GULP1: variants seen among roughly 807,000 people sequenced by gnomAD.
GULP1 encodes the protein GULP PTB domain containing engulfment adaptor 1.
In GULP1, 19 loss-of-function variants were observed where a neutral mutation model predicts 40.9. That is an observed-to-expected ratio of 0.46 (90% CI 0.32 to 0.68). The LOEUF (loss-of-function observed/expected upper bound fraction) is 0.68, where lower values mean the gene tolerates loss of function less well. Among genes scored for constraint, GULP1 ranks in the 30% least tolerant of loss-of-function variants. The pLI, the probability that GULP1 is intolerant of heterozygous loss-of-function variation, is 0.03. For synonymous variants in GULP1, 119 were observed against 117.6 expected (o/e 1.01, Z -0.08); for missense variants, 312 against 362.2 (o/e 0.86, Z 1.12).
intron 2 of GULP1, among the ~76,000 whole-genome samples, chr2:188,466,085 A>G (rs916367818): frequency 6.6e-6 from 1 of 151,862 alleles, no homozygotes; most frequent in Admixed American, 6.6e-5. Flanking sequence ...CAGTCAGGCT[A>G]TTTTAGTCCC....
intron 2 of GULP1, among the ~76,000 whole-genome samples, chr2:188,406,162 A>G (rs573377593): frequency 6.6e-6 from 1 of 152,342 alleles, no homozygotes; most frequent in Admixed American, 6.5e-5. Flanking sequence ...TATATGGTAT[A>G]TATCAAATAG....
At chr2:188,523,462 C>G in intron 5 of GULP1, among the ~76,000 whole-genome samples, 1 of 152,236 alleles carries the variant, frequency 6.6e-6, no homozygotes. Flanking sequence ...TTCCGCATCT[C>G]GAAGGACATT....
chr2:188,390,892 G>A (rs2050429187), intron 2 of GULP1, among the ~76,000 whole-genome samples: 1 of 151,866 alleles, frequency 6.6e-6, no homozygotes, highest in Non-Finnish European at 1.5e-5. Context: ...CCCAAGTTAT[G>A]TTTATATATG....
At chr2:188,549,495 G>T (rs1414552830) in intron 7 of GULP1, among the ~76,000 whole-genome samples, 1 of 151,734 alleles carries the variant, frequency 6.6e-6, no homozygotes, top group Non-Finnish European at 1.5e-5. Flanking sequence ...ATCACCAAAT[G>T]CTGGTAAGAA....
chr2:188,529,284 C>T (rs1349906214), intron 6 of GULP1, 89 bp downstream of exon 6: 7 of 668,046 alleles, frequency 1.0e-5, no homozygotes, highest in African/African-American at 9.4e-5. Context: ...TTTTTGCCAC[C>T]CTGAACTGTT....
At chr2:188,354,547 G>A (rs1222275290) in intron 1 of GULP1, among the ~76,000 whole-genome samples, 1 of 152,132 alleles carries the variant, frequency 6.6e-6, no homozygotes, top group Admixed American at 6.5e-5. Flanking sequence ...ATGAGGACCT[G>A]AGCCTAGGAC....
intron 10 of GULP1, among the ~76,000 whole-genome samples, chr2:188,586,889 A>T (rs1005074782): frequency 3.8e-4 from 57 of 151,848 alleles, no homozygotes; most frequent in Admixed American, 2.0e-3. Context: ...TTAATTTTTT[A>T]ATTTTTTTAT....
At chr2:188,475,379 T>A (rs2060926831) in intron 2 of GULP1, among the ~76,000 whole-genome samples, 1 of 152,160 alleles carries the variant, frequency 6.6e-6, no homozygotes, top group Admixed American at 6.6e-5. Flanking sequence ...GAACTTTATA[T>A]AATTATGTGA....
At chr2:188,434,475 G>T (rs903285515) in intron 2 of GULP1, among the ~76,000 whole-genome samples, 2 of 150,894 alleles carry the variant, frequency 1.3e-5, no homozygotes, top group African/African-American at 2.4e-5. Context: ...TTTAATTTTA[G>T]TATCCATTCT....
chr2:188,294,691 GA>G (rs1451799912), intron 1 of GULP1, among the ~76,000 whole-genome samples: 1 of 152,142 alleles, frequency 6.6e-6, no homozygotes, highest in Non-Finnish European at 1.5e-5. Context: ...CTCACTTTGT[GA>G]ATCACCCTCA....
At chr2:188,537,945 T>A (rs547060695) in intron 6 of GULP1, among the ~76,000 whole-genome samples, 1 of 152,100 alleles carries the variant, frequency 6.6e-6, no homozygotes, top group Admixed American at 6.6e-5. Flanking sequence ...TTTATCAATT[T>A]CCTCTAGATT....
chr2:188,513,901 C>A (rs1450943994), intron 4 of GULP1, among the ~76,000 whole-genome samples: 1 of 151,996 alleles, frequency 6.6e-6, no homozygotes, highest in African/African-American at 2.4e-5. Context: ...AATATCAGTT[C>A]CCAGACAGGG....
At chr2:188,329,001 C>CG (rs1490398721) in intron 1 of GULP1, among the ~76,000 whole-genome samples, 2 of 152,106 alleles carry the variant, frequency 1.3e-5, no homozygotes, top group African/African-American at 4.8e-5. Flanking sequence ...AAAAGGGTCT[C>CG]GGGACACTCA....
chr2:188,539,668 C>T (rs901934854), intron 6 of GULP1, among the ~76,000 whole-genome samples: 5 of 152,078 alleles, frequency 3.3e-5, no homozygotes, highest in Admixed American at 6.6e-5. Flanking sequence ...AGCAACTCTT[C>T]GATGGCTTAC....
chr2:188,359,659 T>A (rs1226778652), intron 1 of GULP1, among the ~76,000 whole-genome samples: 1 of 152,108 alleles, frequency 6.6e-6, no homozygotes, highest in African/African-American at 2.4e-5. Flanking sequence ...AAGAGCAAGA[T>A]GAACTGTATT....
intron 4 of GULP1, among the ~76,000 whole-genome samples, chr2:188,513,166 G>T (rs539404074): frequency 6.6e-6 from 1 of 152,150 alleles, no homozygotes; most frequent in African/African-American, 2.4e-5. Context: ...AGTCTTTATA[G>T]AAGATTTAAA....
At chr2:188,357,732 A>G (rs886764797) in intron 1 of GULP1, among the ~76,000 whole-genome samples, 1 of 152,178 alleles carries the variant, frequency 6.6e-6, no homozygotes, top group African/African-American at 2.4e-5. Context: ...TATATTAAAG[A>G]GATATTTGCA....
intron 4 of GULP1, among the ~76,000 whole-genome samples, chr2:188,512,486 T>C (rs2064687387): frequency 6.6e-6 from 1 of 152,140 alleles, no homozygotes; most frequent in Non-Finnish European, 1.5e-5. Context: ...GTCCTTTGTA[T>C]GTTAAATACT....
chr2:188,518,039 A>G (rs2065363864), intron 4 of GULP1, among the ~76,000 whole-genome samples: 1 of 152,078 alleles, frequency 6.6e-6, no homozygotes, highest in Non-Finnish European at 1.5e-5. Context: ...AGTGGAAAAG[A>G]TAAAAATCAA....
Sources: allele counts gnomAD v4.1 joint callset (sites outside exome capture counted in the v4.1 genomes callset), GRCh38; gene constraint gnomAD v4.1.1; transcripts MANE v1.5; gene names NCBI Gene and HGNC (gene_info 2026-07-23, HGNC 2026-07-21).